SLC35B4: variants seen among roughly 807,000 people sequenced by gnomAD.
SLC35B4 encodes solute carrier family 35 member B4.
A neutral mutation model predicts 39.5 loss-of-function variants in SLC35B4; 28 were observed. The observed-to-expected ratio is 0.71, with a 90% CI of 0.53 to 0.97. The LOEUF (loss-of-function observed/expected upper bound fraction) is 0.97. Ranked by LOEUF, SLC35B4 falls within the 50% of genes least tolerant of loss-of-function variation. The pLI, the probability that SLC35B4 is intolerant of heterozygous loss-of-function variation, is 0.00. For missense variants in SLC35B4, 334 were observed against 414.3 expected, an observed-to-expected ratio of 0.81 and a Z score of 1.68; for synonymous variants, 145 against 150.4, an observed-to-expected ratio of 0.96 and a Z score of 0.26.
In SLC35B4 at chr7:134,301,829, AT is replaced by A; in HGVS notation, c.427-9del. 2.5e-6 allele frequency: 4 copies of A among 1,613,858 alleles called. No individual in the cohort carries two copies. The highest frequency in any genetic ancestry group is 2.5e-6 in the Non-Finnish European group (3 of 1,179,776). On this transcript the variant is annotated splice_polypyrimidine_tract_variant and intron_variant, in intron 5 of 9. Coordinates refer to ENST00000378509, the MANE Select transcript of SLC35B4 (RefSeq NM_032826.5). ...CAAGCTGGACTGGGAAGTCTAGGAA[AT>A]AAGAAAATAAACTAGGTACAGAGAG...
chr7:134,301,007 T>A (rs1339790106), intron 6 of SLC35B4, among the ~76,000 whole-genome samples: 2 of 152,212 alleles, frequency 1.3e-5, no homozygotes, highest in Non-Finnish European at 2.9e-5. Context: ...CCATGAACTA[T>A]ATGTTCATAT....
At position 134,294,800 on chromosome 7, in the gene SLC35B4, C is replaced by T. The variant is rs2505; in HGVS notation, c.*33G>A. The T allele has an allele frequency of 0.47, 758,257 of 1,604,916 alleles. 182,034 individuals carry two copies. The highest frequency in any genetic ancestry group is 0.57 in the Admixed American group (34,275 of 59,684). On this transcript the variant is annotated 3_prime_UTR_variant, in exon 10 of 10. Coordinates refer to ENST00000378509, the MANE Select transcript of SLC35B4 (RefSeq NM_032826.5). ...AGACCTTCACAGGGTCCCACCCTCA[C>T]GACGACACTGGTCTACGTACTCCAG...
chr7:134,313,861 T>C (rs1803907664), intron 1 of SLC35B4, among the ~76,000 whole-genome samples: 1 of 152,186 alleles, frequency 6.6e-6, no homozygotes. Context: ...GAAAGAACCT[T>C]AAGGCCATCT....
At chr7:134,303,645 A>C (rs1803643195) in intron 4 of SLC35B4, among the ~76,000 whole-genome samples, 1 of 152,212 alleles carries the variant, frequency 6.6e-6, no homozygotes, top group South Asian at 2.1e-4. Flanking sequence ...CTAGGTTCTC[A>C]CATTCTGAAT....
Position 134,301,114 on chromosome 7 carries a change from A to C in SLC35B4, c.487+647T>G, listed in dbSNP as rs1803570383. Among the ~76,000 whole-genome samples, 3 of 152,228 alleles carry C rather than the reference A, an allele frequency of 2.0e-5. No homozygotes were observed. The South Asian group carries it at 6.2e-4, about 32-fold the overall frequency. On this transcript the variant is annotated intron_variant, in intron 6 of 9. Coordinates refer to ENST00000378509, the MANE Select transcript of SLC35B4 (RefSeq NM_032826.5). ...CAAGGGATAAAGTCTCAAAGCCAAGAAGCAAGGAGAACACAGTTCTTTCAC... is the reference window on the plus strand; with the variant it reads ...CAAGGGATAAAGTCTCAAAGCCAAGCAGCAAGGAGAACACAGTTCTTTCAC...
chr7:134,317,743 TCTTA>T (rs1048205046), upstream of SLC35B4, among the ~76,000 whole-genome samples: 11 of 152,272 alleles, frequency 7.2e-5, no homozygotes, highest in African/African-American at 1.2e-4. Flanking sequence ...TCGACTTGAC[TCTTA>T]CTTACTCAAT....
Position 134,289,345 on chromosome 7 carries a change from A to G in SLC35B4, c.*5488T>C, listed in dbSNP as rs1803288005. ...CAAAAAGACTCATTCAGTTTGGCAA[A>G]ACATTTTATTCACAAAATCTCCCAT... On this transcript the variant is annotated 3_prime_UTR_variant, in exon 10 of 10. Transcript: ENST00000378509. The G allele has an allele frequency of 6.5e-6, 1 of 152,680 alleles. No individual in the cohort carries two copies. The highest frequency in any genetic ancestry group is 1.5e-5 in the Non-Finnish European group (1 of 68,044). 9.5% of individuals were successfully genotyped at this position (152,680 alleles called of 1,614,324 possible).
rs567076864 is a variant in SLC35B4, at chr7:134,316,628, T to C, written c.77+47A>G. 1.3e-5 allele frequency: 20 copies of C among 1,541,944 alleles called. No individual in the cohort carries two copies. In the South Asian group the frequency reaches 1.8e-4, roughly 14 times the overall value. On this transcript the variant is annotated intron_variant, in intron 1 of 9. Transcript: ENST00000378509. ...CGGGGGGACCTCTCCTCTGGCTTCC[T>C]CCGCCCCGCCCCGGGAGACCGGGTG... is the stretch of plus-strand genomic sequence containing the variant.
At chr7:134,310,822 C>T (rs928320846) in intron 1 of SLC35B4, among the ~76,000 whole-genome samples, 1 of 152,184 alleles carries the variant, frequency 6.6e-6, no homozygotes, top group Non-Finnish European at 1.5e-5. Flanking sequence ...GCTGGGATTA[C>T]AGGCGTGAGC....
intron 8 of SLC35B4, among the ~76,000 whole-genome samples, chr7:134,297,861 G>T (rs1803501243): frequency 6.6e-6 from 1 of 152,292 alleles, no homozygotes; most frequent in African/African-American, 2.4e-5. Context: ...CTGGGCAACA[G>T]GGAGGTCCTG....
In SLC35B4 at chr7:134,291,588, G is replaced by C. The variant is rs1803330268; in HGVS notation, c.*3245C>G. On this transcript the variant is annotated 3_prime_UTR_variant, in exon 10 of 10. Transcript: ENST00000378509. ...AGAAGAAGAGAAGAGGTTTACTCTG[G>C]GTGGCACAGACCAATTCAGCTTTCA... The C allele has an allele frequency of 1.3e-5, 2 of 152,258 alleles. No individual in the cohort carries two copies. Among genetic ancestry groups the C allele is most frequent in the South Asian group, 4.1e-4 (2 of 4,830 alleles). The allele number at this position is 152,258 out of a possible 1,614,324, so 9.4% of individuals were successfully genotyped here.
At position 134,316,670 on chromosome 7, in the gene SLC35B4, C is replaced by T. The variant is rs1425133737; in HGVS notation, c.77+5G>A. ...GACCGGGTGCGGCCCGAGCGGGTCA[C>T]TCACCGGGCCAGGAGCTCTAGGAAG... On this transcript the variant is annotated splice_donor_5th_base_variant and intron_variant, in intron 1 of 9. Transcript: ENST00000378509. 6.5e-7 allele frequency: 1 copy of T among 1,549,890 alleles called. No individual in the cohort carries two copies. The highest frequency in any genetic ancestry group is 2.4e-5 in the East Asian group (1 of 40,908).
intron 1 of SLC35B4, among the ~76,000 whole-genome samples, chr7:134,312,477 C>T (rs1281271885): frequency 2.0e-5 from 3 of 151,980 alleles, no homozygotes; most frequent in Admixed American, 1.3e-4. Context: ...CGAAGGAGGA[C>T]GTCAGAAGCC....
upstream of SLC35B4, among the ~76,000 whole-genome samples, chr7:134,318,823 T>C (rs77339326): frequency 3.5e-4 from 54 of 152,350 alleles, no homozygotes; most frequent in Non-Finnish European, 6.5e-4. Flanking sequence ...TTGCAAGAGT[T>C]CTGTATCTTT....
intron 3 of SLC35B4, among the ~76,000 whole-genome samples, chr7:134,306,063 T>G (rs780707818): frequency 6.6e-6 from 1 of 152,224 alleles, no homozygotes; most frequent in African/African-American, 2.4e-5. Flanking sequence ...AAGTCCACTA[T>G]GTTTTCAATG....
At position 134,311,955 on chromosome 7, in the gene SLC35B4, T is replaced by C. The variant is rs1206657298; in HGVS notation, c.78-2476A>G. On this transcript the variant is annotated intron_variant, in intron 1 of 9. Transcript: ENST00000378509. ...AAAGTACACACCGACATGCGATATG[T>C]TGCTCTGTCACTTGCTATGTGACAG... Among the ~76,000 whole-genome samples, 2 of 152,170 alleles carry C rather than the reference T, an allele frequency of 1.3e-5. 1 individual carries two copies. Among genetic ancestry groups the C allele is most frequent in the African/African-American group, 4.8e-5 (2 of 41,438 alleles).
intron 1 of SLC35B4, among the ~76,000 whole-genome samples, chr7:134,314,961 C>G (rs922789672): frequency 6.6e-6 from 1 of 151,988 alleles, no homozygotes; most frequent in Non-Finnish European, 1.5e-5. Context: ...AGTCAAATAA[C>G]AGATCTTTAT....
chr7:134,299,946 C>G (rs1369453458), intron 7 of SLC35B4, among the ~76,000 whole-genome samples: 1 of 152,166 alleles, frequency 6.6e-6, no homozygotes, highest in Non-Finnish European at 1.5e-5. Context: ...ATTTAATTTG[C>G]TTTGATTGAT....
intron 9 of SLC35B4, 61 bp downstream of exon 9, chr7:134,296,330 C>T (rs1013078561): frequency 2.8e-5 from 39 of 1,386,584 alleles, no homozygotes; most frequent in Non-Finnish European, 3.9e-5. Flanking sequence ...AAAGAATGAC[C>T]ATTCCTGTGC....
Sources: gnomAD v4.1 joint callset for allele counts (sites outside exome capture counted in the v4.1 genomes callset) on GRCh38, gnomAD v4.1.1 for gene constraint, MANE v1.5 for transcripts, NCBI Gene and HGNC (gene_info 2026-07-23, HGNC 2026-07-21) for gene names.